The following ZNF736 variants were observed in gnomAD, a reference collection of about 807,000 sequenced individuals.
ZNF736 encodes zinc finger protein 736.
In ZNF736, 6 loss-of-function variants were observed where a neutral mutation model predicts 11.7. The observed-to-expected ratio is 0.51, with a 90% CI of 0.28 to 1.01. ZNF736 has a LOEUF of 1.01. ZNF736 is among the 50% of genes least tolerant of loss of function. ZNF736 has a pLI of 0.09. For synonymous variants in ZNF736, 139 were observed against 164.7 expected, an observed-to-expected ratio of 0.84 and a Z score of 1.19; for missense variants, 444 against 496.0, an observed-to-expected ratio of 0.90 and a Z score of 1.00.
At chr7:64,344,268 C>T (rs1477668239) in intron 3 of ZNF736, among the ~76,000 whole-genome samples, 1 of 152,172 alleles carries the variant, frequency 6.6e-6, no homozygotes, top group East Asian at 1.9e-4. Context: ...CACCACTGCA[C>T]TCCAGCCTGG....
rs759757973 is a variant in ZNF736, at chr7:64,347,006, TTC to T, written c.227-1082_227-1081del. Among the ~76,000 whole-genome samples the T allele has an allele frequency of 2.6e-3, 391 of 151,790 alleles. 1 individual carries two copies. The highest frequency in any genetic ancestry group is 8.7e-3 in the African/African-American group (361 of 41,524). ...AATTGATTTCTGGATATTCTTTTTT[TTC>T]TTTGAGCCATATTATCTTGATGTTT... On this transcript the variant is annotated intron_variant, in intron 3 of 3. Coordinates refer to ENST00000423484, the MANE Select transcript of ZNF736 (RefSeq NM_001170905.3).
At chr7:64,314,858 C>T (rs1294481056) in intron 1 of ZNF736, among the ~76,000 whole-genome samples, 5 of 152,166 alleles carry the variant, frequency 3.3e-5, no homozygotes, top group Non-Finnish European at 7.4e-5. Context: ...ACGTGCATGA[C>T]CCACCACCCT....
intron 1 of ZNF736, among the ~76,000 whole-genome samples, chr7:64,321,119 T>G (rs1305494503): frequency 6.6e-6 from 1 of 152,296 alleles, no homozygotes; most frequent in East Asian, 1.9e-4. Context: ...CCTCAAGGTG[T>G]CACCCAAGAG....
chr7:64,334,733 C>T (rs1789220745), intron 1 of ZNF736, among the ~76,000 whole-genome samples: 1 of 152,162 alleles, frequency 6.6e-6, no homozygotes, highest in South Asian at 2.1e-4. Flanking sequence ...TGTGGTGATT[C>T]CTCAAGGATC....
chr7:64,337,752 T>G (rs920319537), intron 3 of ZNF736, among the ~76,000 whole-genome samples: 7 of 50,306 alleles, frequency 1.4e-4, no homozygotes, highest in Admixed American at 2.2e-4. Flanking sequence ...TTTTGTTTTT[T>G]TTGGTTTTTT....
At chr7:64,338,185 T>G (rs1327295531) in intron 3 of ZNF736, among the ~76,000 whole-genome samples, 1 of 152,240 alleles carries the variant, frequency 6.6e-6, no homozygotes, top group Non-Finnish European at 1.5e-5. Flanking sequence ...TATATACGCA[T>G]GTGTATGACA....
At chr7:64,325,130 T>TG (rs1789065703) in intron 1 of ZNF736, among the ~76,000 whole-genome samples, 1 of 149,820 alleles carries the variant, frequency 6.7e-6, no homozygotes, top group Non-Finnish European at 1.5e-5. Context: ...AAATGTTAAA[T>TG]ACACGCTTAG....
In ZNF736 at chr7:64,332,691, A is replaced by C. The variant is rs959975988; in HGVS notation, c.4-3568A>C. ...GTGTATCTCAGTCCTTATCTCAACC[A>C]CACAAGACAGACACTCCCAGAGCTG... On this transcript the variant is annotated intron_variant, in intron 1 of 3. Coordinates refer to ENST00000423484, the MANE Select transcript of ZNF736 (RefSeq NM_001170905.3). Among the ~76,000 whole-genome samples the C allele has an allele frequency of 2.6e-5, 4 of 152,140 alleles. No homozygotes were observed. In the East Asian group the frequency reaches 7.8e-4, roughly 29 times the overall value.
chr7:64,352,304 C>T lies in ZNF736; in HGVS notation c.*3157C>T, dbSNP rs1318072474. ...TGCCCTTTTCTCTGGGAGCGCCATC[C>T]CAGGGAGGTATAGACCTGTTGCCAG... On this transcript the variant is annotated 3_prime_UTR_variant, in exon 4 of 4. Transcript: ENST00000423484. 6.6e-6 allele frequency: 1 copy of T among 152,258 alleles called. No individual in the cohort carries two copies. The highest frequency in any genetic ancestry group is 1.5e-5 in the Non-Finnish European group (1 of 68,092). The allele number at this position is 152,258 out of a possible 1,614,324, so 9.4% of individuals were successfully genotyped here. A position where few individuals can be genotyped will look rare whatever the true frequency, so the allele number is the denominator to read the frequency against.
chr7:64,314,747 TAG>T (rs1369121052), intron 1 of ZNF736, among the ~76,000 whole-genome samples: 1 of 152,160 alleles, frequency 6.6e-6, no homozygotes, highest in African/African-American at 2.4e-5. Context: ...TTTGTTTTTG[TAG>T]AGACAGGCTT....
At position 64,319,488 on chromosome 7, in the gene ZNF736, C is replaced by CTTTTTTTTTTTTTTTT. The variant is rs1408764142; in HGVS notation, c.3+5335_3+5336insTTTTTTTTTTTTTTTT. ...CCAGGTAAATAGAAAACATTTCTTC[C>CTTTTTTTTTTTTTTTT]CTTTTTTTTTTTTTTTTTTTTTTTT... On this transcript the variant is annotated intron_variant, in intron 1 of 3. Coordinates refer to ENST00000423484, the MANE Select transcript of ZNF736 (RefSeq NM_001170905.3). 6.4e-4 allele frequency among the ~76,000 whole-genome samples: 48 copies of CTTTTTTTTTTTTTTTT among 75,266 alleles called. 19 individuals are homozygous for CTTTTTTTTTTTTTTTT. The highest frequency in any genetic ancestry group is 2.5e-3 in the African/African-American group (45 of 18,366). 49.4% of individuals were successfully genotyped at this position (75,266 alleles called of 152,430 possible).
chr7:64,347,531 CTA>C (rs988270139), intron 3 of ZNF736, among the ~76,000 whole-genome samples: 1 of 151,958 alleles, frequency 6.6e-6, no homozygotes, highest in African/African-American at 2.4e-5. Context: ...TGGCCATTCC[CTA>C]TGTTTCTTAT....
intron 1 of ZNF736, among the ~76,000 whole-genome samples, chr7:64,324,563 T>TCA (rs1789057432): frequency 6.6e-6 from 1 of 152,176 alleles, no homozygotes; most frequent in South Asian, 2.1e-4. Flanking sequence ...AATAATGTGC[T>TCA]CACAACCCTC....
intron 1 of ZNF736, among the ~76,000 whole-genome samples, chr7:64,321,523 C>T (rs967917593): frequency 2.6e-5 from 4 of 152,120 alleles, no homozygotes; most frequent in African/African-American, 9.7e-5. Context: ...GCAGAGAAAG[C>T]AGTTAAAAAT....
chr7:64,340,834 T>A (rs1402743097), intron 3 of ZNF736, among the ~76,000 whole-genome samples: 1 of 152,194 alleles, frequency 6.6e-6, no homozygotes, highest in African/African-American at 2.4e-5. Context: ...TCTCCCAGAT[T>A]AAGTATCCTT....
chr7:64,323,244 A>G (rs1185334637), intron 1 of ZNF736, among the ~76,000 whole-genome samples: 1 of 152,216 alleles, frequency 6.6e-6, no homozygotes, highest in Non-Finnish European at 1.5e-5. Flanking sequence ...TTGAAGTAAT[A>G]AATATTTTTT....
At chr7:64,336,613 A>G (rs913414164) in intron 2 of ZNF736, among the ~76,000 whole-genome samples, 1 of 152,178 alleles carries the variant, frequency 6.6e-6, no homozygotes, top group Non-Finnish European at 1.5e-5. Flanking sequence ...ATTAGTGGTA[A>G]TATCAGAAAT....
Position 64,349,144 on chromosome 7 carries a change from T to A in ZNF736, c.1281T>A (p.Cys427Ter). The A allele has an allele frequency of 3.3e-6, 5 of 1,522,980 alleles. No individual in the cohort carries two copies. Among genetic ancestry groups the A allele is most frequent in the Non-Finnish European group, 4.4e-6 (5 of 1,138,050 alleles). 94.3% of individuals were successfully genotyped at this position (1,522,980 alleles called of 1,614,324 possible). The change falls in exon 4 of 4, where the codon TGT (cysteine) becomes TGA (stop). Residue 427 changes from cysteine to a stop codon, truncating the protein, a stop_gained. Coordinates refer to ENST00000423484, the MANE Select transcript of ZNF736 (RefSeq NM_001170905.3). LOFTEE classifies it high-confidence loss of function. ...ATACTAGAGAGAAGCTCCACAAGTGTTAAAAATGTGGAAAAGCCTTTACCA... is the reference window on the plus strand; with the variant it reads ...ATACTAGAGAGAAGCTCCACAAGTGATAAAAATGTGGAAAAGCCTTTACCA... ...RIHTREKLHK[C>*]
chr7:64,349,922 TTTG>T lies in ZNF736; in HGVS notation c.*781_*783del, dbSNP rs1191607655. On this transcript the variant is annotated 3_prime_UTR_variant, in exon 4 of 4. Transcript: ENST00000423484. Reference sequence around the variant, plus strand: ...GACTTGTAGGATTTCAGCTGAAAGATTTGTTGTTTTCCTGATGAGCTTCTTTTT... The same window carrying T: ...GACTTGTAGGATTTCAGCTGAAAGATTTGTTTTCCTGATGAGCTTCTTTTT... The T allele has an allele frequency of 1.3e-5, 2 of 152,186 alleles. No homozygotes were observed. The highest frequency in any genetic ancestry group is 2.9e-5 in the Non-Finnish European group (2 of 68,052). The allele number at this position is 152,186 out of a possible 1,614,324, so 9.4% of individuals were successfully genotyped here.
Sources: allele counts gnomAD v4.1 joint callset (sites outside exome capture counted in the v4.1 genomes callset), GRCh38; gene constraint gnomAD v4.1.1; transcripts MANE v1.5; gene names NCBI Gene and HGNC (gene_info 2026-07-23, HGNC 2026-07-21).